Variants in ABTB3 observed in about 807,000 individuals in gnomAD.
The protein encoded by ABTB3 is ankyrin repeat and BTB domain containing 3.
the ABTB3 span, chr12:107,319,948 C>T: frequency 1.3e-6 from 2 of 1,570,986 alleles, no homozygotes; most frequent in Non-Finnish European, 8.6e-7. Context: ...ACCATCACCA[C>T]CACCATGCGC....
chr12:107,425,807 G>A, the ABTB3 span, among the ~76,000 whole-genome samples: 1 of 152,186 alleles, frequency 6.6e-6, no homozygotes, highest in African/African-American at 2.4e-5. Context: ...GGCCAGGCAC[G>A]TGGTGATGCT....
chr12:107,506,971 T>G, the ABTB3 span, among the ~76,000 whole-genome samples: 1 of 152,358 alleles, frequency 6.6e-6, no homozygotes, highest in African/African-American at 2.4e-5. Flanking sequence ...TATCTCTTTC[T>G]TATTATTGAA....
At chr12:107,417,670 C>T in the ABTB3 span, among the ~76,000 whole-genome samples, 27 of 152,318 alleles carry the variant, frequency 1.8e-4, no homozygotes, top group African/African-American at 6.0e-4. Context: ...TTTCAGTGTC[C>T]GCGCATAGCG....
the ABTB3 span, among the ~76,000 whole-genome samples, chr12:107,478,346 C>A: frequency 6.3e-4 from 96 of 152,286 alleles, no homozygotes; most frequent in African/African-American, 2.3e-3. Flanking sequence ...CTCACTCAAG[C>A]TAGGCGAGAT....
chr12:107,624,602 T>C, the ABTB3 span, among the ~76,000 whole-genome samples: 1 of 152,238 alleles, frequency 6.6e-6, no homozygotes, highest in African/African-American at 2.4e-5. Flanking sequence ...TTTTGGAGAT[T>C]GGACTTTTGG....
the ABTB3 span, among the ~76,000 whole-genome samples, chr12:107,381,130 C>T: frequency 2.0e-5 from 3 of 152,022 alleles, no homozygotes; most frequent in African/African-American, 7.2e-5. Flanking sequence ...CTGCCTTTGT[C>T]TTCATCATTC....
the ABTB3 span, among the ~76,000 whole-genome samples, chr12:107,602,474 G>A: frequency 6.6e-6 from 1 of 152,214 alleles, no homozygotes; most frequent in African/African-American, 2.4e-5. Context: ...AATGAGAGCT[G>A]TATGCTGAGC....
the ABTB3 span, chr12:107,659,395 T>G: frequency 6.6e-6 from 1 of 152,276 alleles, no homozygotes; most frequent in Non-Finnish European, 1.5e-5. Flanking sequence ...AAACAAGAAC[T>G]GCCTGAAGAA....
the ABTB3 span, among the ~76,000 whole-genome samples, chr12:107,344,474 G>C: frequency 1.3e-5 from 2 of 152,226 alleles, no homozygotes; most frequent in African/African-American, 4.8e-5. Context: ...GAAGGCAGTG[G>C]ATATTTCCAG....
chr12:107,545,693 C>T, the ABTB3 span, among the ~76,000 whole-genome samples: 1 of 152,190 alleles, frequency 6.6e-6, no homozygotes, highest in African/African-American at 2.4e-5. Flanking sequence ...TTTTCACGTG[C>T]AAACATGCCC....
At chr12:107,431,198 T>C in the ABTB3 span, among the ~76,000 whole-genome samples, 1 of 152,384 alleles carries the variant, frequency 6.6e-6, no homozygotes, top group East Asian at 1.9e-4. Flanking sequence ...TCTGTTCTTG[T>C]TAAATGCTTA....
the ABTB3 span, among the ~76,000 whole-genome samples, chr12:107,464,162 G>T: frequency 6.6e-6 from 1 of 151,558 alleles, no homozygotes; most frequent in African/African-American, 2.4e-5. Context: ...CTGGCTACAG[G>T]GTGGGTTGAG....
At chr12:107,337,512 T>C in the ABTB3 span, among the ~76,000 whole-genome samples, 1 of 152,222 alleles carries the variant, frequency 6.6e-6, no homozygotes, top group Non-Finnish European at 1.5e-5. Flanking sequence ...ACGTTCACAA[T>C]AGTATCTCAT....
At chr12:107,612,012 T>A in the ABTB3 span, among the ~76,000 whole-genome samples, 2 of 152,260 alleles carry the variant, frequency 1.3e-5, no homozygotes, top group African/African-American at 4.8e-5. Flanking sequence ...TAGAAATAGA[T>A]TCACAAACCA....
chr12:107,488,178 C>G, the ABTB3 span, among the ~76,000 whole-genome samples: 1 of 152,040 alleles, frequency 6.6e-6, no homozygotes, highest in South Asian at 2.1e-4. Flanking sequence ...CAGACCTGGG[C>G]TCAGTTTTCA....
chr12:107,620,242 C>A, the ABTB3 span: 2 of 1,535,474 alleles, frequency 1.3e-6, no homozygotes, highest in Non-Finnish European at 1.8e-6. Context: ...GGTCTTTTAG[C>A]CTGCTGTTCC....
chr12:107,544,951 T>C, the ABTB3 span, among the ~76,000 whole-genome samples: 1 of 152,210 alleles, frequency 6.6e-6, no homozygotes, highest in Non-Finnish European at 1.5e-5. Flanking sequence ...ATTTAATAAA[T>C]TGAACAGTGC....
chr12:107,529,306 TGATGATGGA>T, the ABTB3 span, among the ~76,000 whole-genome samples: 2 of 151,380 alleles, frequency 1.3e-5, no homozygotes, highest in Middle Eastern at 3.2e-3. Flanking sequence ...ATGGTGATGA[TGATGATGGA>T]GATGATGGTG....
chr12:107,595,598 G>T, the ABTB3 span, among the ~76,000 whole-genome samples: 3 of 152,184 alleles, frequency 2.0e-5, no homozygotes, highest in South Asian at 2.1e-4. Flanking sequence ...CATTGGAAGA[G>T]AATCTAAGAG....
Sources: allele counts gnomAD v4.1 joint callset (sites outside exome capture counted in the v4.1 genomes callset), GRCh38; gene constraint gnomAD v4.1.1; transcripts MANE v1.5; gene names NCBI Gene and HGNC (gene_info 2026-07-23, HGNC 2026-07-21).